WAPL: variants seen among roughly 807,000 people sequenced by gnomAD.
WAPL encodes wings apart-like protein homolog.
Under a neutral mutation model 121.0 loss-of-function variants are expected in WAPL, and 5 were observed. The observed-to-expected ratio is 0.04, with a 90% CI of 0.02 to 0.09. WAPL has a LOEUF of 0.09. Among genes scored for constraint, WAPL ranks in the 10% least tolerant of loss-of-function variants. The pLI, the probability that WAPL is intolerant of heterozygous loss-of-function variation, is 1.00. For missense variants in WAPL, 999 were observed against 1,410.8 expected (o/e 0.71, Z 4.68); for synonymous variants, 480 against 481.5 (o/e 1.00, Z 0.04).
At position 86,518,104 on chromosome 10, in the gene WAPL, A is replaced by AT; in HGVS notation, c.-22-14dup. ...AGTTTCATATTCTCTGTGAAAAAAA[A>AT]TTTAAGAAAACATATAATCATCAAA... On this transcript the variant is annotated splice_polypyrimidine_tract_variant and intron_variant, in intron 1 of 18. Transcript: ENST00000298767. 6.3e-7 allele frequency: 1 copy of AT among 1,593,012 alleles called. No homozygotes were observed.
At chr10:86,518,224 T>C (rs1842598662) in intron 1 of WAPL, 133 bp from the exon 2 acceptor site, 2 of 858,992 alleles carry the variant, frequency 2.3e-6, no homozygotes, top group South Asian at 4.1e-5. Flanking sequence ...AATAAACAAA[T>C]ATGAGGAAGG....
At chr10:86,441,469 T>C (rs1849469291) in intron 17 of WAPL, among the ~76,000 whole-genome samples, 1 of 151,112 alleles carries the variant, frequency 6.6e-6, no homozygotes, top group South Asian at 2.1e-4. Context: ...CTGGCCAAGA[T>C]GAGAAGTCTA....
chr10:86,488,686 T>TGAATAAAGTA (rs1389469960), intron 4 of WAPL: 23 of 152,258 alleles, frequency 1.5e-4, no homozygotes, highest in African/African-American at 5.3e-4. Flanking sequence ...AACAAATGAC[T>TGAATAAAGTA]GAATAAAGTA....
chr10:86,441,408 C>T (rs1410489318), intron 17 of WAPL, among the ~76,000 whole-genome samples: 1 of 152,080 alleles, frequency 6.6e-6, no homozygotes, highest in Non-Finnish European at 1.5e-5. Flanking sequence ...TCACAGTAAT[C>T]CCATGTTCCC....
chr10:86,506,502 T>C (rs1313557353), intron 2 of WAPL, among the ~76,000 whole-genome samples: 4 of 152,200 alleles, frequency 2.6e-5, no homozygotes. Flanking sequence ...TGGCCACGTG[T>C]GGTGGCTCAC....
rs1023038434 is a variant in WAPL at position 86,473,947 on chromosome 10, G to A, written c.1671C>T (p.Ala557=). 3 of 1,613,786 alleles carry A rather than the reference G, an allele frequency of 1.9e-6. No individual in the cohort carries two copies. Among genetic ancestry groups the A allele is most frequent in the Non-Finnish European group, 2.5e-6 (3 of 1,179,938 alleles). Reference sequence around the variant, plus strand: ...CTGAATCTGGATGATTCCAATGTCTGGCATTATATACAGCTTTTGTGGGTG... The same window carrying A: ...CTGAATCTGGATGATTCCAATGTCTAGCATTATATACAGCTTTTGTGGGTG... ...KRSPTKAVYN[A]RHWNHPDSEE... is the part of the protein sequence containing the mutation. Residue 557 remains alanine, a synonymous_variant, in exon 5 of 19, where the codon GCC becomes GCT. Coordinates refer to ENST00000298767, the MANE Select transcript of WAPL (RefSeq NM_015045.5).
intron 3 of WAPL, among the ~76,000 whole-genome samples, chr10:86,497,963 A>C (rs1842181505): frequency 6.6e-6 from 1 of 152,360 alleles, no homozygotes; most frequent in East Asian, 1.9e-4. Context: ...GAAACATAGA[A>C]AGACTCTTCT....
intron 2 of WAPL, among the ~76,000 whole-genome samples, chr10:86,505,301 T>TTTTTTTTTTTTTTTTG (rs1842326953): frequency 2.4e-5 from 1 of 41,050 alleles, no homozygotes. Context: ...TGCCCAACTC[T>TTTTTTTTTTTTTTTTG]TTTTTTTTTT....
At chr10:86,476,515 C>T (rs2132197359) in intron 4 of WAPL, among the ~76,000 whole-genome samples, 1 of 151,998 alleles carries the variant, frequency 6.6e-6, no homozygotes, top group South Asian at 2.1e-4. Flanking sequence ...AGGATGAAAC[C>T]CCGTCTCTAC....
chr10:86,461,602 T>G lies in WAPL; in HGVS notation c.2371-315A>C, dbSNP rs112142350. On this transcript the variant is annotated intron_variant, in intron 9 of 18. Coordinates refer to ENST00000298767, the MANE Select transcript of WAPL (RefSeq NM_015045.5). ...TCAAAGGGTACATGTATTTTTTAAC[T>G]GTAAATCAATATTGGATTAATTTAC... Among the ~76,000 whole-genome samples, 1,063 of 152,346 alleles carry G rather than the reference T, an allele frequency of 7.0e-3. 14 individuals are homozygous for G. Among genetic ancestry groups the G allele is most frequent in the African/African-American group, 0.024 (1,013 of 41,574 alleles).
intron 17 of WAPL, among the ~76,000 whole-genome samples, chr10:86,438,499 G>C (rs772436775): frequency 1.3e-5 from 2 of 152,188 alleles, no homozygotes; most frequent in African/African-American, 2.4e-5. Flanking sequence ...AGTAATCCAC[G>C]CACCTTGGCC....
chr10:86,503,878 T>C (rs1426058664), intron 2 of WAPL, among the ~76,000 whole-genome samples: 1 of 151,850 alleles, frequency 6.6e-6, no homozygotes, highest in East Asian at 1.9e-4. Context: ...CAGTAGAAAA[T>C]GGCGCTAGGG....
chr10:86,511,057 G>A lies in WAPL; in HGVS notation c.499+6514C>T, dbSNP rs1391783995. 4.6e-5 allele frequency among the ~76,000 whole-genome samples: 7 copies of A among 152,090 alleles called. No homozygotes were observed. In the East Asian group the frequency reaches 1.4e-3, roughly 29 times the overall value. On this transcript the variant is annotated intron_variant, in intron 2 of 18. Transcript: ENST00000298767. ...TGACCAGGCTGGTTTTGAACTCCTG[G>A]GCTCACGCCATCCTCCCACTTTGGC...
At chr10:86,513,226 GA>G (rs2132232569) in intron 2 of WAPL, among the ~76,000 whole-genome samples, 1 of 152,188 alleles carries the variant, frequency 6.6e-6, no homozygotes, top group East Asian at 1.9e-4. Flanking sequence ...TCGAACTCCT[GA>G]CCTCAAGCGA....
Position 86,459,004 on chromosome 10 carries a change from A to G in WAPL, c.2642T>C (p.Ile881Thr), listed in dbSNP as rs750377652. Reference protein sequence around the residue: ...YLIAYKDSQLIVSSAKALQHC... With the variant: ...YLIAYKDSQLTVSSAKALQHC... ...AAAAACTTACTTAGCTGATGAAACA[A>G]TAAGTTGGGAATCTTTATATGCTAT... The change falls in exon 12 of 19, where the codon ATT (isoleucine) becomes ACT (threonine). Residue 881 changes from isoleucine (I) to threonine (T), a missense_variant. Coordinates refer to ENST00000298767, the MANE Select transcript of WAPL (RefSeq NM_015045.5). 12 of 1,608,438 alleles carry G rather than the reference A, an allele frequency of 7.5e-6. No individual in the cohort carries two copies. Among genetic ancestry groups the G allele is most frequent in the Middle Eastern group, 1.7e-4 (1 of 6,042 alleles).
chr10:86,502,640 T>G (rs1842267943), intron 2 of WAPL, among the ~76,000 whole-genome samples: 1 of 152,218 alleles, frequency 6.6e-6, no homozygotes, highest in South Asian at 2.1e-4. Flanking sequence ...AACTGTATAC[T>G]AGTCTATACA....
chr10:86,447,939 T>C (rs1017577913), intron 15 of WAPL, among the ~76,000 whole-genome samples: 1 of 151,976 alleles, frequency 6.6e-6, no homozygotes. Flanking sequence ...TCCCAGCTAC[T>C]TGGGAGGCTG....
rs573921329 is a variant in WAPL at position 86,471,841 on chromosome 10, C to T, written c.2030+367G>A. ...GTAGACATGGGGTCTCACTATGTTG[C>T]CCAAGGTGGTCTCGAACTCTTGGAC... is the stretch of plus-strand genomic sequence containing the variant. On this transcript the variant is annotated intron_variant, in intron 7 of 18. Transcript: ENST00000298767. Among the ~76,000 whole-genome samples the T allele has an allele frequency of 1.9e-3, 284 of 152,176 alleles. 1 individual carries two copies. The highest frequency in any genetic ancestry group is 6.4e-3 in the African/African-American group (265 of 41,506).
chr10:86,485,058 C>A (rs1292088955), intron 4 of WAPL, among the ~76,000 whole-genome samples: 1 of 132,302 alleles, frequency 7.6e-6, no homozygotes, highest in African/African-American at 2.7e-5. Context: ...CCTCCCCCGT[C>A]CCTCCCATCT....
Sources: gnomAD v4.1 joint callset for allele counts (sites outside exome capture counted in the v4.1 genomes callset) on GRCh38, gnomAD v4.1.1 for gene constraint, MANE v1.5 for transcripts, NCBI Gene and HGNC (gene_info 2026-07-23, HGNC 2026-07-21) for gene names.